Variants in PARD6G observed in about 807,000 individuals in gnomAD.
PARD6G encodes the protein partitioning defective 6 homolog gamma.
In PARD6G, 7 loss-of-function variants were observed where a neutral mutation model predicts 10.7. That is an observed-to-expected ratio of 0.66 (90% CI 0.37 to 1.23). The LOEUF is 1.23. Among genes scored for constraint, PARD6G ranks in the 50% most tolerant of loss-of-function variants. The pLI, the probability that PARD6G is intolerant of heterozygous loss-of-function variation, is 0.02. For synonymous variants in PARD6G, 287 were observed against 269.4 expected (o/e 1.07, Z -0.64); for missense variants, 548 against 571.8 (o/e 0.96, Z 0.42).
At position 80,183,267 on chromosome 18, in the gene PARD6G, G is replaced by T; in HGVS notation, c.295+19443C>A. 4.4e-6 allele frequency: 3 copies of T among 681,190 alleles called. No individual in the cohort carries two copies. The highest frequency in any genetic ancestry group is 8.0e-6 in the Non-Finnish European group (3 of 372,818). The allele number at this position is 681,190 out of a possible 1,614,324, so 42.2% of individuals were successfully genotyped here. A position where few individuals can be genotyped will look rare whatever the true frequency, so the allele number is the denominator to read the frequency against. On this transcript the variant is annotated intron_variant, in intron 2 of 2. Transcript: ENST00000353265. This position sits in a 1 kb window ranked among gnomAD's most constrained non-coding sequence, Gnocchi z 4.5. ...GATAGGCATGGAGAAGAGCAAAGCCGCATACAGGCATAGTGGAAAAGTACG... is the reference window on the plus strand; with the variant it reads ...GATAGGCATGGAGAAGAGCAAAGCCTCATACAGGCATAGTGGAAAAGTACG...
At chr18:80,215,528 T>A (rs568230910) in intron 1 of PARD6G, among the ~76,000 whole-genome samples, 1 of 152,244 alleles carries the variant, frequency 6.6e-6, no homozygotes, top group South Asian at 2.1e-4. Context: ...CGGAGCAAAA[T>A]TTTTGTATAT....
Position 80,159,826 on chromosome 18 carries a change from C to G in PARD6G, c.1076G>C (p.Ser359Thr). Residue 359 changes from serine (S) to threonine (T), a missense_variant, in exon 3 of 3, where the codon AGC becomes ACC. Ser to Thr is a moderately conservative substitution (Grantham distance 58). This residue lies in a region of PARD6G where 313 missense variants were observed against 279.9 expected (regional missense o/e 1.12). Transcript: ENST00000353265. ...CACGCCGCCTGGCGGCAGCGCCAGG[C>G]TGTGACGGGGGTCGGCCCGCAGGGA... ...LSSLRADPRH[S>T]LALPPGGVEE... 6.7e-7 allele frequency: 1 copy of G among 1,487,414 alleles called. No individual in the cohort carries two copies. The highest frequency in any genetic ancestry group is 8.9e-7 in the Non-Finnish European group (1 of 1,123,334). The allele number at this position is 1,487,414 out of a possible 1,614,324, so 92.1% of individuals were successfully genotyped here.
intron 1 of PARD6G, among the ~76,000 whole-genome samples, chr18:80,214,800 A>C (rs111357778): frequency 0.026 from 3,917 of 152,280 alleles, 164 homozygotes; most frequent in African/African-American, 0.089. Flanking sequence ...TGGAAAAATA[A>C]TAGCCAAAAT....
At chr18:80,190,841 T>C (rs377363562) in intron 2 of PARD6G, among the ~76,000 whole-genome samples, 19 of 152,050 alleles carry the variant, frequency 1.2e-4, no homozygotes, top group African/African-American at 3.6e-4. Flanking sequence ...AAAATCACCA[T>C]CCACGAGCAG....
At chr18:80,170,221 A>G (rs1385162683) in intron 2 of PARD6G, 1 of 152,272 alleles carries the variant, frequency 6.6e-6, no homozygotes, top group African/African-American at 2.4e-5. Flanking sequence ...ACATAAGGTG[A>G]AAAACAAAAC....
chr18:80,236,095 A>G (rs1967419029), intron 1 of PARD6G, among the ~76,000 whole-genome samples: 1 of 152,174 alleles, frequency 6.6e-6, no homozygotes, highest in South Asian at 2.1e-4. Context: ...CGATGCAAAA[A>G]CCCTCAATAA....
chr18:80,190,382 C>T (rs1269616094), intron 2 of PARD6G, among the ~76,000 whole-genome samples: 1 of 152,172 alleles, frequency 6.6e-6, no homozygotes, highest in Non-Finnish European at 1.5e-5. Context: ...CTTCTGTGTA[C>T]ACTGCCTCTC....
At chr18:80,223,681 T>A (rs984012652) in intron 1 of PARD6G, among the ~76,000 whole-genome samples, 2 of 152,200 alleles carry the variant, frequency 1.3e-5, no homozygotes, top group Non-Finnish European at 2.9e-5. Flanking sequence ...TGAGTTACCA[T>A]GTGACCCAGA....
intron 1 of PARD6G, among the ~76,000 whole-genome samples, chr18:80,221,787 G>A (rs562041250): frequency 4.3e-4 from 65 of 152,284 alleles, no homozygotes; most frequent in African/African-American, 1.5e-3. Flanking sequence ...TTTGTATATA[G>A]AAAATCCTAA....
intron 2 of PARD6G, 99 bp from the exon 3 acceptor site, chr18:80,160,705 C>T: frequency 7.1e-7 from 1 of 1,412,124 alleles, no homozygotes; most frequent in Non-Finnish European, 9.2e-7. Context: ...TGCGTGACGC[C>T]GAAGCACCCA....
At chr18:80,223,068 T>A (rs1967250293) in intron 1 of PARD6G, among the ~76,000 whole-genome samples, 1 of 152,172 alleles carries the variant, frequency 6.6e-6, no homozygotes, top group Non-Finnish European at 1.5e-5. Context: ...CATATCCACA[T>A]GCAAAACAAT....
chr18:80,184,378 C>T lies in PARD6G; in HGVS notation c.295+18332G>A, dbSNP rs1292906316. 1 of 152,278 alleles carries T rather than the reference C, an allele frequency of 6.6e-6. No individual in the cohort carries two copies. Among genetic ancestry groups the T allele is most frequent in the Non-Finnish European group, 1.5e-5 (1 of 68,066 alleles). The allele number at this position is 152,278 out of a possible 1,614,324, so 9.4% of individuals were successfully genotyped here. A position where few individuals can be genotyped will look rare whatever the true frequency, so the allele number is the denominator to read the frequency against. ...CACAGTGGCCAGGAGGTGGAAACAACCCCGATGTCCATCAACTGATGAACC... is the reference window on the plus strand; with the variant it reads ...CACAGTGGCCAGGAGGTGGAAACAATCCCGATGTCCATCAACTGATGAACC... On this transcript the variant is annotated intron_variant, in intron 2 of 2. Transcript: ENST00000353265. The surrounding 1 kb of genome is among the most constrained non-coding windows in gnomAD (Gnocchi z 4.5).
At chr18:80,190,700 C>T (rs1966889991) in intron 2 of PARD6G, among the ~76,000 whole-genome samples, 1 of 152,114 alleles carries the variant, frequency 6.6e-6, no homozygotes, top group Non-Finnish European at 1.5e-5. Flanking sequence ...TATTGGAGAC[C>T]ATGGATTTGA....
At chr18:80,170,949 C>T (rs2052771942) in intron 2 of PARD6G, 1 of 152,084 alleles carries the variant, frequency 6.6e-6, no homozygotes, top group Non-Finnish European at 1.5e-5. Flanking sequence ...CTGGCCCTGA[C>T]CCAGGAGGAG....
chr18:80,164,987 C>A (rs1428578217), intron 2 of PARD6G, among the ~76,000 whole-genome samples: 1 of 152,182 alleles, frequency 6.6e-6, no homozygotes, highest in Non-Finnish European at 1.5e-5. Flanking sequence ...AAACACAAGG[C>A]AAAGGGCAAA....
chr18:80,218,479 C>A (rs1967194092), intron 1 of PARD6G, among the ~76,000 whole-genome samples: 1 of 152,206 alleles, frequency 6.6e-6, no homozygotes, highest in Non-Finnish European at 1.5e-5. Context: ...TTAGGTCACA[C>A]TGATGCAAGA....
chr18:80,190,919 G>A (rs761159978), intron 2 of PARD6G, among the ~76,000 whole-genome samples: 37 of 152,270 alleles, frequency 2.4e-4, no homozygotes, highest in South Asian at 1.4e-3. Flanking sequence ...AATTCTCTGT[G>A]AAATGTGCAG....
intron 1 of PARD6G, among the ~76,000 whole-genome samples, chr18:80,230,808 A>G (rs1967350022): frequency 6.6e-6 from 1 of 152,224 alleles, no homozygotes; most frequent in Admixed American, 6.5e-5. Flanking sequence ...GATTTACCAT[A>G]CAGGAGAGAA....
intron 1 of PARD6G, among the ~76,000 whole-genome samples, chr18:80,205,856 A>G (rs1218963669): frequency 6.6e-6 from 1 of 152,234 alleles, no homozygotes; most frequent in Non-Finnish European, 1.5e-5. Flanking sequence ...GTATCACTAT[A>G]TGGCTTTCGT....
Sources: allele counts gnomAD v4.1 joint callset (sites outside exome capture counted in the v4.1 genomes callset), GRCh38; gene constraint gnomAD v4.1.1; regional missense constraint gnomAD v4.1.1; non-coding constraint Gnocchi (gnomAD v3.1); transcripts MANE v1.5; gene names NCBI Gene and HGNC (gene_info 2026-07-23, HGNC 2026-07-21).